The following CLDN2 variants were observed in gnomAD, a reference collection of about 807,000 sequenced individuals.
The protein encoded by CLDN2 is claudin-2.
In CLDN2, 1 loss-of-function variant was observed where a neutral mutation model predicts 8.2. The ratio of observed to expected loss-of-function variants is 0.12; its 90% CI spans 0.04 to 0.58. The LOEUF (loss-of-function observed/expected upper bound fraction) is 0.58. Among genes scored for constraint, CLDN2 ranks in the 20% least tolerant of loss-of-function variants. CLDN2 has a pLI of 0.90. For missense variants in CLDN2, 108 were observed against 172.9 expected, an observed-to-expected ratio of 0.62 and a Z score of 2.11; for synonymous variants, 70 against 70.2, an observed-to-expected ratio of 1.00 and a Z score of 0.01.
At chrX:106,921,573 G>A (rs1263189299) in intron 1 of CLDN2, among the ~76,000 whole-genome samples, 5 of 111,887 alleles carry the variant, frequency 4.5e-5, no homozygotes, top group Non-Finnish European at 9.4e-5. Flanking sequence ...AACCCCAAGT[G>A]CCCTGTCCCA....
upstream of CLDN2, among the ~76,000 whole-genome samples, chrX:106,917,834 T>C (rs1933333413): frequency 9.0e-6 from 1 of 111,525 alleles, no homozygotes; most frequent in Admixed American, 9.6e-5. Context: ...TTCCTGTTCT[T>C]TCAGCCCCCT....
At chrX:106,916,535 G>A (rs886963559), upstream of CLDN2, among the ~76,000 whole-genome samples, 4 of 111,174 alleles carry the variant, frequency 3.6e-5, no homozygotes, top group Admixed American at 1.9e-4. Context: ...ATTGCATCCC[G>A]GTGAGAGATG....
chrX:106,903,849 G>A (rs968634172), intron 1 of CLDN2, among the ~76,000 whole-genome samples: 2 of 112,230 alleles, frequency 1.8e-5, no homozygotes, highest in Non-Finnish European at 3.8e-5. Flanking sequence ...CTGGGTTAGG[G>A]AAAAAAGGGG....
At chrX:106,907,366 A>G (rs951241650) in intron 1 of CLDN2, among the ~76,000 whole-genome samples, 2 of 111,729 alleles carry the variant, frequency 1.8e-5, no homozygotes, top group Non-Finnish European at 3.8e-5. Context: ...AATGAGAAAA[A>G]CTTTACTAGG....
intron 1 of CLDN2, chrX:106,903,232 G>A (rs1339584140): frequency 2.5e-6 from 3 of 1,210,338 alleles, no homozygotes. Flanking sequence ...TGGAGCTAGG[G>A]CCAAAGCCAG....
At chrX:106,901,330 C>A (rs978137986) in intron 1 of CLDN2, 52 of 582,384 alleles carry the variant, frequency 8.9e-5, no homozygotes, top group Non-Finnish European at 1.4e-4. Context: ...AGTCCCTTAA[C>A]CTCTCTGGGC....
upstream of CLDN2, among the ~76,000 whole-genome samples, chrX:106,915,430 C>G (rs1472423150): frequency 8.9e-6 from 1 of 112,273 alleles, no homozygotes; most frequent in Admixed American, 9.4e-5. Flanking sequence ...ATATGGTTTT[C>G]AAACTTTTAA....
intron 1 of CLDN2, among the ~76,000 whole-genome samples, chrX:106,926,313 T>C (rs1422704270): frequency 9.0e-6 from 1 of 111,591 alleles, no homozygotes; most frequent in East Asian, 2.8e-4. Context: ...GAGATTTCCC[T>C]GTGGAGATTC....
At chrX:106,914,386 T>C (rs5962775), upstream of CLDN2, among the ~76,000 whole-genome samples, 2 of 111,089 alleles carry the variant, frequency 1.8e-5, no homozygotes, top group Admixed American at 9.6e-5. Flanking sequence ...TTTATAGGCA[T>C]GTGAGGGACA....
intron 1 of CLDN2, among the ~76,000 whole-genome samples, chrX:106,904,134 G>A (rs1172627965): frequency 1.8e-5 from 2 of 112,197 alleles, no homozygotes; most frequent in Non-Finnish European, 3.8e-5. Flanking sequence ...CCCAGCCCCA[G>A]GCCTCAGTTC....
chrX:106,915,983 C>T (rs936859900), upstream of CLDN2, among the ~76,000 whole-genome samples: 11 of 109,485 alleles, frequency 1.0e-4, no homozygotes, highest in Admixed American at 4.0e-4. Flanking sequence ...AAAGCCAAAC[C>T]CAATGTGCAC....
chrX:106,912,126 G>GA (rs1933254479), intron 1 of CLDN2, among the ~76,000 whole-genome samples: 2 of 110,570 alleles, frequency 1.8e-5, no homozygotes, highest in South Asian at 7.7e-4. Context: ...CTACTGACAG[G>GA]ACATTTCTAA....
chrX:106,926,760 G>C (rs1933470997), intron 1 of CLDN2, among the ~76,000 whole-genome samples: 1 of 80,181 alleles, frequency 1.2e-5, no homozygotes, highest in Non-Finnish European at 2.3e-5. Flanking sequence ...TGTAGTCCCA[G>C]CTACTTGTGG....
At position 106,930,804 on chromosome X, in the gene CLDN2, A is replaced by G; in HGVS notation, c.*1883A>G. ...TCCTAGACCTCTCTGTATCCCCCAG[A>G]CTATCTGTAACAGTGCCAGGCACAC... On this transcript the variant is annotated 3_prime_UTR_variant, in exon 2 of 2. Transcript: ENST00000336803. 8.0e-6 allele frequency: 1 copy of G among 124,946 alleles called. No individual in the cohort carries two copies. The allele number at this position is 124,946 out of a possible 1,213,427, so 10.3% of individuals were successfully genotyped here. A position where few individuals can be genotyped will look rare whatever the true frequency, so the allele number is the denominator to read the frequency against.
At chrX:106,901,556 T>C in intron 1 of CLDN2, 2 of 1,207,647 alleles carry the variant, frequency 1.7e-6, no homozygotes, top group Non-Finnish European at 2.2e-6. Flanking sequence ...AAGCAAAAGC[T>C]AGCATGTGGC....
chrX:106,911,675 C>T (rs1462276572), intron 1 of CLDN2, among the ~76,000 whole-genome samples: 1 of 112,381 alleles, frequency 8.9e-6, no homozygotes, highest in Non-Finnish European at 1.9e-5. Context: ...TTTTCAGTCA[C>T]TTTTTTGGAT....
intron 1 of CLDN2, among the ~76,000 whole-genome samples, chrX:106,909,971 G>A (rs1241851172): frequency 9.0e-6 from 1 of 111,299 alleles, no homozygotes; most frequent in African/African-American, 3.3e-5. Context: ...GTGGGCAGGA[G>A]GGAGGTGTTT....
chrX:106,902,132 G>C (rs574055315), intron 1 of CLDN2: 1 of 1,188,569 alleles, frequency 8.4e-7, no homozygotes, highest in African/African-American at 1.8e-5. Flanking sequence ...ACAAGGGCTC[G>C]AACTCACCAA....
chrX:106,901,750 C>T (rs1293813020), intron 1 of CLDN2, among the ~76,000 whole-genome samples: 1 of 111,635 alleles, frequency 9.0e-6, no homozygotes, highest in African/African-American at 3.3e-5. Context: ...GGGTTGTTTG[C>T]TTCCCTGCCT....
Sources: allele counts gnomAD v4.1 joint callset (sites outside exome capture counted in the v4.1 genomes callset), GRCh38; gene constraint gnomAD v4.1.1; transcripts MANE v1.5; gene names NCBI Gene and HGNC (gene_info 2026-07-23, HGNC 2026-07-21).